The following DNAH8 variants were observed in gnomAD, a reference collection of about 807,000 sequenced individuals.
DNAH8 encodes dynein axonemal heavy chain 8, also known as axonemal beta dynein heavy chain 8.
In DNAH8, 382 loss-of-function variants were observed where a neutral mutation model predicts 562.1. That is an observed-to-expected ratio of 0.68 (90% confidence interval 0.63 to 0.74). DNAH8 has a LOEUF of 0.74. DNAH8 is among the 30% of genes least tolerant of loss of function. The probability of loss-of-function intolerance (pLI) is 0.00; values close to 1 mark genes in which losing one functional copy is unlikely to be tolerated. For missense variants in DNAH8, 5,203 were observed against 5,620.4 expected (o/e 0.93, Z 2.37); for synonymous variants, 1,881 against 1,919.4 (o/e 0.98, Z 0.52).
At chr6:39,023,614 A>G (rs1158810904) in intron 91 of DNAH8, among the ~76,000 whole-genome samples, 1 of 152,250 alleles carries the variant, frequency 6.6e-6, no homozygotes, top group African/African-American at 2.4e-5. Flanking sequence ...CAGGCTTCAA[A>G]AAATCAGCTT....
At chr6:38,718,183 G>C (rs1762486146) in intron 1 of DNAH8, among the ~76,000 whole-genome samples, 1 of 152,166 alleles carries the variant, frequency 6.6e-6, no homozygotes, top group Non-Finnish European at 1.5e-5. Flanking sequence ...GTATGTGTCT[G>C]TGTGTTTTCT....
chr6:38,787,011 G>A (rs199852551), intron 18 of DNAH8, 59 bp downstream of exon 18: 14 of 821,682 alleles, frequency 1.7e-5, no homozygotes, highest in Non-Finnish European at 2.3e-5. Context: ...AAAAAAATAT[G>A]TATATATATA....
rs1775751486 is a variant in DNAH8 at position 38,851,607 on chromosome 6, T to A, written c.5399T>A (p.Phe1800Tyr). 1.2e-6 allele frequency: 2 copies of A among 1,612,148 alleles called. No homozygotes were observed. Among genetic ancestry groups the A allele is most frequent in the Non-Finnish European group, 1.7e-6 (2 of 1,179,286 alleles). The stretch of plus-strand genomic sequence containing the variant: ...AAGAAACGATTACTGTTTCCAAGAT[T>A]CTTCTTTGTATCTGATCCAGTTCTC... ...LEKKRLLFPR[F>Y]FFVSDPVLLE... Residue 1800 changes from phenylalanine to tyrosine, a missense_variant, in exon 39 of 93, where the codon TTC becomes TAC. Transcript: ENST00000327475.
At chr6:38,979,055 A>C (rs1226365070) in intron 85 of DNAH8, among the ~76,000 whole-genome samples, 1 of 152,248 alleles carries the variant, frequency 6.6e-6, no homozygotes, top group Non-Finnish European at 1.5e-5. Context: ...CCGCTACTGC[A>C]GTAGAACCTT....
intron 83 of DNAH8, 69 bp downstream of exon 83, chr6:38,971,734 C>A: frequency 8.1e-7 from 1 of 1,233,308 alleles, no homozygotes; most frequent in Non-Finnish European, 1.1e-6. Context: ...GATGTTACCA[C>A]ATTCTTCTCG....
chr6:38,851,928 C>G (rs1353216466), intron 39 of DNAH8, among the ~76,000 whole-genome samples: 1 of 152,156 alleles, frequency 6.6e-6, no homozygotes, highest in Non-Finnish European at 1.5e-5. Flanking sequence ...TTCCCCATCC[C>G]TCAATTCCAT....
In DNAH8 at chr6:39,016,559, A is replaced by G. The variant is rs1013341253; in HGVS notation, c.13714+3922A>G. On this transcript the variant is annotated intron_variant, in intron 91 of 92. Coordinates refer to ENST00000327475, the MANE Select transcript of DNAH8 (RefSeq NM_001206927.2). ...GAGCGAGACTCTGTCTCAAAAAAAAAAAAAAAGAAAAAAGCCCTACATATT... is the reference window on the plus strand; with the variant it reads ...GAGCGAGACTCTGTCTCAAAAAAAAGAAAAAAGAAAAAAGCCCTACATATT... Among the ~76,000 whole-genome samples the G allele has an allele frequency of 2.6e-5, 4 of 152,154 alleles. No individual in the cohort carries two copies. The East Asian group carries it at 7.7e-4, about 29-fold the overall frequency.
In DNAH8 at chr6:38,860,555, A is replaced by G. The variant is rs773770344; in HGVS notation, c.6057A>G (p.Thr2019=). The part of the protein sequence containing the change: ...EDLDQTVVSI[T]DVDFIYQNEF... ...TGGATCAAACTGTGGTGTCTATTAC[A>G]GATGTTGATTTTATTTACCAAAATG... Residue 2019 remains threonine (T), a synonymous_variant, in exon 43 of 93, where the codon ACA becomes ACG. Transcript: ENST00000327475. 1 of 1,543,116 alleles carries G rather than the reference A, an allele frequency of 6.5e-7. No homozygotes were observed. The highest frequency in any genetic ancestry group is 8.7e-7 in the Non-Finnish European group (1 of 1,153,436).
rs1390007635 is a variant in DNAH8, at chr6:38,954,500, C to T, written c.12451+2980C>T. Among the ~76,000 whole-genome samples the T allele has an allele frequency of 8.3e-3, 14 of 1,682 alleles. 5 individuals carry two copies. The South Asian group carries it at 0.13, about 15-fold the overall frequency. 1.1% of individuals were successfully genotyped at this position (1,682 alleles called of 152,430 possible). On this transcript the variant is annotated intron_variant, in intron 82 of 92. Transcript: ENST00000327475. ...CGGGCGGATCACGAGGTCAGGAGATCGAGACCATCCTGGCTAACACGGTGA... is the reference window on the plus strand; with the variant it reads ...CGGGCGGATCACGAGGTCAGGAGATTGAGACCATCCTGGCTAACACGGTGA...
chr6:38,759,532 A>G lies in DNAH8; in HGVS notation c.1516-2170A>G, dbSNP rs111318086. 8.3e-4 allele frequency among the ~76,000 whole-genome samples: 127 copies of G among 152,258 alleles called. 1 individual carries two copies. Among genetic ancestry groups the G allele is most frequent in the African/African-American group, 2.9e-3 (121 of 41,554 alleles). ...TACCTGTCTCTCTCATTCTTGCCAT[A>G]TATGTCCCACATTGAGATCATTTTT... On this transcript the variant is annotated intron_variant, in intron 10 of 92. Transcript: ENST00000327475.
In DNAH8 at chr6:38,736,017, G is replaced by A. The variant is rs373690852; in HGVS notation, c.763-1050G>A. Among the ~76,000 whole-genome samples, 15 of 152,116 alleles carry A rather than the reference G, an allele frequency of 9.9e-5. No individual in the cohort carries two copies. In the East Asian group the frequency reaches 2.9e-3, roughly 29 times the overall value. ...GCTGGGTGTGGTTGTGCACTCCTGG[G>A]GTCCCAGCTACTTGGGAGGCTGAGA... On this transcript the variant is annotated intron_variant, in intron 5 of 92. Coordinates refer to ENST00000327475, the MANE Select transcript of DNAH8 (RefSeq NM_001206927.2).
At chr6:38,760,955 A>G (rs1229451509) in intron 10 of DNAH8, among the ~76,000 whole-genome samples, 1 of 152,032 alleles carries the variant, frequency 6.6e-6, no homozygotes, top group Non-Finnish European at 1.5e-5. Flanking sequence ...ATGTAAATGG[A>G]CTAACACACC....
chr6:38,807,938 G>A (rs974235688), intron 24 of DNAH8, among the ~76,000 whole-genome samples: 28 of 152,116 alleles, frequency 1.8e-4, no homozygotes, highest in African/African-American at 5.6e-4. Flanking sequence ...GTCCCCTCAT[G>A]GGTCCTCTCC....
chr6:38,925,729 T>C lies in DNAH8; in HGVS notation c.10963-326T>C, dbSNP rs551126039. On this transcript the variant is annotated intron_variant, in intron 73 of 92. Transcript: ENST00000327475. ...CTTGTTCTCTGACATTTCATTATAT[T>C]CACTATCTCCATTAACCCCAAATCA... Among the ~76,000 whole-genome samples the C allele has an allele frequency of 3.3e-4, 51 of 152,270 alleles. 1 individual carries two copies. Among genetic ancestry groups the C allele is most frequent in the Admixed American group, 2.6e-3 (39 of 15,290 alleles).
At chr6:38,747,129 A>G (rs1471092984) in intron 8 of DNAH8, among the ~76,000 whole-genome samples, 1 of 152,122 alleles carries the variant, frequency 6.6e-6, no homozygotes, top group African/African-American at 2.4e-5. Flanking sequence ...CTATGTGCCA[A>G]GCGTTGTGTT....
chr6:39,011,723 A>G (rs138494279), intron 89 of DNAH8, among the ~76,000 whole-genome samples: 151 of 152,388 alleles, frequency 9.9e-4, no homozygotes, highest in African/African-American at 3.5e-3. Context: ...TTTAGCTGTC[A>G]TAGCTAAGGC....
In DNAH8 at chr6:38,845,592, A is replaced by G. The variant is rs1775230405; in HGVS notation, c.4864A>G (p.Ile1622Val). 6.2e-7 allele frequency: 1 copy of G among 1,613,678 alleles called. No homozygotes were observed. The highest frequency in any genetic ancestry group is 1.3e-5 in the African/African-American group (1 of 74,916). ...DDIEDICISA[I>V]KEKDIEAKLT... ...TTCAAAGGATATTTGCATATCTGCC[A>G]TTAAGGAGAAGGATATCGAAGCCAA... The change falls in exon 36 of 93, where the codon ATT (isoleucine) becomes GTT (valine). Residue 1622 changes from isoleucine (I) to valine (V), a missense_variant. Physicochemically the swap from Ile to Val is conservative, Grantham distance 29. This residue lies in a region of DNAH8 where 2,176 missense variants were observed against 2,365.1 expected (regional missense o/e 0.92). Coordinates refer to ENST00000327475, the MANE Select transcript of DNAH8 (RefSeq NM_001206927.2).
At chr6:38,792,727 C>T (rs931855064) in intron 21 of DNAH8, among the ~76,000 whole-genome samples, 6 of 152,298 alleles carry the variant, frequency 3.9e-5, no homozygotes, top group Non-Finnish European at 5.9e-5. Context: ...CAAGGACCAG[C>T]ACATAATGCA....
intron 85 of DNAH8, among the ~76,000 whole-genome samples, chr6:38,978,038 A>G (rs1763789550): frequency 6.6e-6 from 1 of 152,238 alleles, no homozygotes; most frequent in Non-Finnish European, 1.5e-5. Flanking sequence ...AACCACTTTT[A>G]CATCCATTTC....
Sources: allele counts gnomAD v4.1 joint callset (sites outside exome capture counted in the v4.1 genomes callset), GRCh38; gene constraint gnomAD v4.1.1; regional missense constraint gnomAD v4.1.1; transcripts MANE v1.5; gene names NCBI Gene and HGNC (gene_info 2026-07-23, HGNC 2026-07-21).